The following MTUS1 variants were observed in gnomAD, a reference collection of about 807,000 sequenced individuals.
MTUS1 encodes the protein microtubule associated scaffold protein 1.
In MTUS1, 109 loss-of-function variants were observed where a neutral mutation model predicts 120.8. The observed-to-expected ratio is 0.90, with a 90% CI of 0.77 to 1.06. MTUS1 has a LOEUF of 1.06. MTUS1 is among the 50% of genes least tolerant of loss of function. MTUS1 has a pLI of 0.00. For synonymous variants in MTUS1, 737 were observed against 550.5 expected, an observed-to-expected ratio of 1.34 and a Z score of -4.74; for missense variants, 2,210 against 1,486.3, an observed-to-expected ratio of 1.49 and a Z score of -8.01.
chr8:17,648,871 G>A (rs1002981925), intron 13 of MTUS1, among the ~76,000 whole-genome samples: 4 of 152,224 alleles, frequency 2.6e-5, no homozygotes, highest in Non-Finnish European at 4.4e-5. Flanking sequence ...AAGGCACCGC[G>A]AGGGCGGGGA....
In MTUS1 at chr8:17,685,110, T is replaced by G. The variant is rs1815487800; in HGVS notation, c.2624-568A>C. ...GAAAATATACTCAGATTTTGCCTCT[T>G]TAAGTTCACTGTTAGGAGTACTATA... On this transcript the variant is annotated intron_variant, in intron 6 of 14. Coordinates refer to ENST00000693296, the MANE Select transcript of MTUS1 (RefSeq NM_001363059.2). Among the ~76,000 whole-genome samples, 3 of 152,212 alleles carry G rather than the reference T, an allele frequency of 2.0e-5. No individual in the cohort carries two copies. The South Asian group carries it at 6.2e-4, about 31-fold the overall frequency.
At chr8:17,741,090 G>A (rs1028260478) in intron 3 of MTUS1, among the ~76,000 whole-genome samples, 8 of 151,910 alleles carry the variant, frequency 5.3e-5, no homozygotes, top group African/African-American at 1.7e-4. Flanking sequence ...CATTGGCCAG[G>A]CTGGTCTCAA....
intron 6 of MTUS1, chr8:17,697,365 G>T (rs1046579260): frequency 6.2e-7 from 1 of 1,613,986 alleles, no homozygotes; most frequent in African/African-American, 1.3e-5. Flanking sequence ...GAGAATTTGG[G>T]AGACAACAAC....
chr8:17,709,932 G>A (rs975492602), intron 6 of MTUS1, among the ~76,000 whole-genome samples: 27 of 151,858 alleles, frequency 1.8e-4, no homozygotes, highest in African/African-American at 3.9e-4. Flanking sequence ...GCGTGAACCC[G>A]GGAGGCAGAG....
chr8:17,700,790 T>A (rs1299010084), intron 6 of MTUS1, among the ~76,000 whole-genome samples: 1 of 152,132 alleles, frequency 6.6e-6, no homozygotes, highest in African/African-American at 2.4e-5. Context: ...GTTTTCATAA[T>A]GACACAAAGA....
intron 8 of MTUS1, among the ~76,000 whole-genome samples, chr8:17,666,550 G>C (rs1334960921): frequency 6.6e-6 from 1 of 152,020 alleles, no homozygotes; most frequent in Non-Finnish European, 1.5e-5. Flanking sequence ...GGTAGTCCTG[G>C]GGCACCTACA....
intron 2 of MTUS1, among the ~76,000 whole-genome samples, chr8:17,751,331 G>A (rs1216986034): frequency 1.3e-5 from 2 of 152,052 alleles, no homozygotes; most frequent in African/African-American, 4.8e-5. Context: ...CTCCAGCATG[G>A]TCTCTTCGTC....
At chr8:17,667,226 G>C (rs1405635162) in intron 8 of MTUS1, among the ~76,000 whole-genome samples, 1 of 152,316 alleles carries the variant, frequency 6.6e-6, no homozygotes, top group African/African-American at 2.4e-5. Flanking sequence ...AGCTAAGTCT[G>C]AGGTGGCTAT....
chr8:17,675,081 C>G, intron 8 of MTUS1, 105 bp downstream of exon 8: 1 of 1,567,702 alleles, frequency 6.4e-7, no homozygotes, highest in African/African-American at 1.4e-5. Flanking sequence ...GGAGTGCCAA[C>G]AGCTCCCAGC....
chr8:17,747,852 A>T (rs1356304530), intron 2 of MTUS1, among the ~76,000 whole-genome samples: 1 of 152,172 alleles, frequency 6.6e-6, no homozygotes, highest in Non-Finnish European at 1.5e-5. Flanking sequence ...CCTCACAATC[A>T]TGGCAGAGGG....
At chr8:17,714,375 C>T (rs7387321) in intron 5 of MTUS1, among the ~76,000 whole-genome samples, 145,670 of 152,290 alleles carry the variant, frequency 0.96, 69,686 homozygotes, top group East Asian at 1. Flanking sequence ...CAGAGTAACA[C>T]CTCTGAGAAA....
intron 6 of MTUS1, among the ~76,000 whole-genome samples, chr8:17,710,700 G>C (rs377015927): frequency 6.6e-6 from 1 of 152,118 alleles, no homozygotes; most frequent in Non-Finnish European, 1.5e-5. Flanking sequence ...ACCCTTTTCA[G>C]AAGGTTTTCA....
At chr8:17,676,853 A>C (rs11203892) in intron 7 of MTUS1, among the ~76,000 whole-genome samples, 1 of 152,006 alleles carries the variant, frequency 6.6e-6, no homozygotes, top group Non-Finnish European at 1.5e-5. Flanking sequence ...TCGTTTACAA[A>C]TTTAAATGAC....
chr8:17,713,929 A>G (rs908735822), intron 5 of MTUS1, among the ~76,000 whole-genome samples: 30 of 152,200 alleles, frequency 2.0e-4, no homozygotes, highest in African/African-American at 7.2e-4. Flanking sequence ...CCACACAGGT[A>G]AAACTGTTGC....
chr8:17,675,766 C>A (rs906872635), intron 7 of MTUS1, among the ~76,000 whole-genome samples: 5 of 152,080 alleles, frequency 3.3e-5, no homozygotes. Flanking sequence ...AAAGATAATC[C>A]TTTAAAGACA....
chr8:17,717,850 C>T (rs147128096), intron 4 of MTUS1, among the ~76,000 whole-genome samples: 1 of 152,260 alleles, frequency 6.6e-6, no homozygotes, highest in African/African-American at 2.4e-5. Flanking sequence ...CCACACCCAT[C>T]ATCAGCTTCA....
intron 1 of MTUS1, among the ~76,000 whole-genome samples, chr8:17,774,245 A>G (rs1401517781): frequency 6.6e-6 from 1 of 152,214 alleles, no homozygotes; most frequent in Admixed American, 6.5e-5. Flanking sequence ...AGCTACTACT[A>G]GTTTGGGAAA....
rs187811764 is a variant in MTUS1 at position 17,757,188 on chromosome 8, T to C, written c.-154-1227A>G. Among the ~76,000 whole-genome samples, 7 of 152,322 alleles carry C rather than the reference T, an allele frequency of 4.6e-5. No homozygotes were observed. In the East Asian group the frequency reaches 1.2e-3, roughly 25 times the overall value. ...GAGCAGAAAGCAAAATGTACTCTTA[T>C]GCATTTGACAAAATATTCCTCAGCA... is the stretch of plus-strand genomic sequence containing the variant. On this transcript the variant is annotated intron_variant, in intron 1 of 14. Coordinates refer to ENST00000693296, the MANE Select transcript of MTUS1 (RefSeq NM_001363059.2).
At chr8:17,786,559 A>G in intron 1 of MTUS1, among the ~76,000 whole-genome samples, 1 of 67,162 alleles carries the variant, frequency 1.5e-5, no homozygotes, top group African/African-American at 3.4e-5. Flanking sequence ...GAAACCAAAA[A>G]ACACTGAGTT....
Sources: allele counts gnomAD v4.1 joint callset (sites outside exome capture counted in the v4.1 genomes callset), GRCh38; gene constraint gnomAD v4.1.1; transcripts MANE v1.5; gene names NCBI Gene and HGNC (gene_info 2026-07-23, HGNC 2026-07-21).